The following MRTFB variants were observed in gnomAD, a reference collection of about 807,000 sequenced individuals.
MRTFB encodes the protein myocardin-related transcription factor B.
In MRTFB, 29 loss-of-function variants were observed where a neutral mutation model predicts 104.2. The observed-to-expected ratio is 0.28, with a 90% CI of 0.21 to 0.38. The LOEUF (loss-of-function observed/expected upper bound fraction) is 0.38. Among genes scored for constraint, MRTFB ranks in the 10% least tolerant of loss-of-function variants. MRTFB has a pLI of 1.00. For synonymous variants in MRTFB, 535 were observed against 519.5 expected (o/e 1.03, Z -0.41); for missense variants, 1,270 against 1,341.6 (o/e 0.95, Z 0.83).
At position 14,266,603 on chromosome 16, in the gene MRTFB, T is replaced by C. The variant is rs2043957909; in HGVS notation, c.*5159T>C. ...AATTCCATATCATGTTTGAATGCCATACATTTTGCACATGTACTGTACATA... is the reference window on the plus strand; with the variant it reads ...AATTCCATATCATGTTTGAATGCCACACATTTTGCACATGTACTGTACATA... On this transcript the variant is annotated 3_prime_UTR_variant, in exon 17 of 17. Coordinates refer to ENST00000571589, the MANE Select transcript of MRTFB (RefSeq NM_001308142.2). 6.6e-6 allele frequency: 1 copy of C among 152,244 alleles called. No homozygotes were observed. The highest frequency in any genetic ancestry group is 2.1e-4 in the South Asian group (1 of 4,832). The allele number at this position is 152,244 out of a possible 1,614,324, so 9.4% of individuals were successfully genotyped here.
chr16:14,050,808 G>A, the MRTFB span, among the ~76,000 whole-genome samples: 16 of 152,120 alleles, frequency 1.1e-4, no homozygotes, highest in African/African-American at 3.1e-4. Flanking sequence ...GAATGGGGGC[G>A]GGTCTCCCTG....
At chr16:14,012,596 C>T in the MRTFB span, among the ~76,000 whole-genome samples, 1 of 152,144 alleles carries the variant, frequency 6.6e-6, no homozygotes, top group South Asian at 2.1e-4. Flanking sequence ...CCGCGCCCGG[C>T]TGACCTTGAC....
At chr16:14,130,049 T>C (rs1319791683) in intron 2 of MRTFB, among the ~76,000 whole-genome samples, 3 of 152,192 alleles carry the variant, frequency 2.0e-5, no homozygotes, top group East Asian at 1.9e-4. Flanking sequence ...TAGGCTGGTC[T>C]TGCACTGCTG....
At chr16:14,151,035 A>G (rs1189022071) in intron 3 of MRTFB, 1 of 152,206 alleles carries the variant, frequency 6.6e-6, no homozygotes, top group Non-Finnish European at 1.5e-5. Flanking sequence ...CGCGGAGATG[A>G]TGAACATCAC....
intron 3 of MRTFB, among the ~76,000 whole-genome samples, chr16:14,175,643 A>G (rs1211279466): frequency 6.6e-6 from 1 of 152,216 alleles, no homozygotes; most frequent in Non-Finnish European, 1.5e-5. Context: ...ATAAATATCT[A>G]CACAAAGATT....
At chr16:14,142,790 T>G (rs2038078705) in intron 3 of MRTFB, 1 of 152,188 alleles carries the variant, frequency 6.6e-6, no homozygotes. Context: ...CTTTATCCTT[T>G]ATGGTCATTT....
At chr16:14,222,377 CA>C (rs2041767123) in intron 8 of MRTFB, among the ~76,000 whole-genome samples, 1 of 152,166 alleles carries the variant, frequency 6.6e-6, no homozygotes, top group African/African-American at 2.4e-5. Flanking sequence ...CGCAGCCCAA[CA>C]CAAATTCATA....
At chr16:14,116,460 CT>C (rs1434530279) in intron 2 of MRTFB, among the ~76,000 whole-genome samples, 2 of 152,014 alleles carry the variant, frequency 1.3e-5, no homozygotes, top group African/African-American at 2.4e-5. Flanking sequence ...GCACTATTAA[CT>C]TTTTTTTATA....
In MRTFB at chr16:14,246,793, A is replaced by G. The variant is rs767725161; in HGVS notation, c.1533A>G (p.Glu511=). 1 of 1,613,778 alleles carries G rather than the reference A, an allele frequency of 6.2e-7. No individual in the cohort carries two copies. The highest frequency in any genetic ancestry group is 1.1e-5 in the South Asian group (1 of 91,070). Residue 511 remains glutamate (E), a synonymous_variant, in exon 12 of 17, where the codon GAA becomes GAG. Coordinates refer to ENST00000571589, the MANE Select transcript of MRTFB (RefSeq NM_001308142.2). The part of the protein sequence containing the change: ...SPLPISPSPS[E]QSSLSTDDTN... ...TGCCCATTTCACCATCTCCCTCCGA[A>G]CAGTCCAGTCTCAGTACTGATGACA...
chr16:14,140,880 C>A, intron 3 of MRTFB, 120 bp downstream of exon 3: 2 of 1,063,428 alleles, frequency 1.9e-6, no homozygotes, highest in South Asian at 1.5e-5. Flanking sequence ...TGGAGGAGAA[C>A]CCTGTAGAGG....
At chr16:14,235,499 C>T (rs1012537654) in intron 9 of MRTFB, among the ~76,000 whole-genome samples, 2 of 152,224 alleles carry the variant, frequency 1.3e-5, no homozygotes, top group Admixed American at 6.5e-5. Flanking sequence ...AATGTCTGCT[C>T]TTCACTGATG....
At chr16:14,215,728 G>T (rs1308859492) in intron 6 of MRTFB, among the ~76,000 whole-genome samples, 1 of 152,132 alleles carries the variant, frequency 6.6e-6, no homozygotes, top group African/African-American at 2.4e-5. Context: ...TGGTTGTATG[G>T]GAAAATGATA....
At chr16:14,057,243 A>G in the MRTFB span, among the ~76,000 whole-genome samples, 1 of 152,130 alleles carries the variant, frequency 6.6e-6, no homozygotes, top group African/African-American at 2.4e-5. Flanking sequence ...TTATTTGAGC[A>G]GTTGTGTGTC....
At chr16:14,210,925 G>A (rs2041165442) in intron 4 of MRTFB, among the ~76,000 whole-genome samples, 1 of 152,148 alleles carries the variant, frequency 6.6e-6, no homozygotes, top group Non-Finnish European at 1.5e-5. Flanking sequence ...ACCAAGTTTG[G>A]AGGTGGTTTT....
chr16:14,033,187 C>A, the MRTFB span, among the ~76,000 whole-genome samples: 10 of 151,936 alleles, frequency 6.6e-5, no homozygotes, highest in Non-Finnish European at 1.0e-4. Flanking sequence ...ATCGCTTGAA[C>A]TCAGGAGTTT....
intron 2 of MRTFB, among the ~76,000 whole-genome samples, chr16:14,119,257 C>T (rs1017329670): frequency 1.3e-5 from 2 of 152,202 alleles, no homozygotes; most frequent in East Asian, 1.9e-4. Context: ...CAGAAACCGT[C>T]GGATTGGTTA....
At chr16:14,245,816 C>T (rs987651652) in intron 11 of MRTFB, among the ~76,000 whole-genome samples, 156 bp downstream of exon 11, 1 of 152,190 alleles carries the variant, frequency 6.6e-6, no homozygotes, top group Non-Finnish European at 1.5e-5. Flanking sequence ...TTTTTACTTC[C>T]ACTAAGTTTT....
At chr16:14,152,208 C>T (rs2038647628) in intron 3 of MRTFB, 1 of 152,004 alleles carries the variant, frequency 6.6e-6, no homozygotes, top group African/African-American at 2.4e-5. Context: ...GTCATAATCA[C>T]ATCTCTAAAT....
the MRTFB span, among the ~76,000 whole-genome samples, chr16:14,060,384 G>A: frequency 6.6e-6 from 1 of 152,154 alleles, no homozygotes; most frequent in Non-Finnish European, 1.5e-5. Flanking sequence ...TTGATGAATG[G>A]ATTCGCCAGG....
Sources: allele counts gnomAD v4.1 joint callset (sites outside exome capture counted in the v4.1 genomes callset), GRCh38; gene constraint gnomAD v4.1.1; transcripts MANE v1.5; gene names NCBI Gene and HGNC (gene_info 2026-07-23, HGNC 2026-07-21).